Variants in IMMP2L observed in about 807,000 individuals in gnomAD.
The protein encoded by IMMP2L is mitochondrial inner membrane protease subunit 2.
In IMMP2L, 18 loss-of-function variants were observed where a neutral mutation model predicts 19.3. The ratio of observed to expected loss-of-function variants is 0.93; its 90% CI spans 0.64 to 1.38. IMMP2L has a LOEUF of 1.38. IMMP2L is among the 40% of genes most tolerant of loss of function. The pLI is 0.00. For synonymous variants in IMMP2L, 76 were observed against 73.0 expected (o/e 1.04, Z -0.21); for missense variants, 233 against 218.2 (o/e 1.07, Z -0.43).
rs188907876 is a variant in IMMP2L, at chr7:111,320,017, C to T, written c.239+167221G>A. 4.4e-3 allele frequency among the ~76,000 whole-genome samples: 670 copies of T among 152,032 alleles called. 22 individuals carry two copies. The highest frequency in any genetic ancestry group is 0.039 in the Admixed American group (589 of 15,226). On this transcript the variant is annotated intron_variant, in intron 3 of 5. Transcript: ENST00000405709. ...TGTATATTTCTGTGCATTAAAACCACTTTAAAAAAAATCTTCATCCCCACA... is the reference window on the plus strand; with the variant it reads ...TGTATATTTCTGTGCATTAAAACCATTTTAAAAAAAATCTTCATCCCCACA...
intron 3 of IMMP2L, among the ~76,000 whole-genome samples, chr7:111,214,331 C>CTTTTTTTT (rs1169450523): frequency 6.1e-5 from 5 of 82,190 alleles, no homozygotes; most frequent in African/African-American, 1.1e-4. Context: ...AATTTTTCTT[C>CTTTTTTTT]TTTTTTTTTT....
chr7:110,832,831 T>C (rs1215461246), intron 5 of IMMP2L, among the ~76,000 whole-genome samples: 2 of 152,086 alleles, frequency 1.3e-5, no homozygotes, highest in Non-Finnish European at 2.9e-5. Flanking sequence ...AACATAAACA[T>C]ATAGAAATAG....
At chr7:111,091,541 C>G (rs577729988) in intron 3 of IMMP2L, 1 of 152,164 alleles carries the variant, frequency 6.6e-6, no homozygotes, top group Non-Finnish European at 1.5e-5. Context: ...AAAATACGTT[C>G]TATTTCTTGT....
chr7:111,516,318 A>G (rs1383453069), intron 2 of IMMP2L, among the ~76,000 whole-genome samples: 1 of 151,244 alleles, frequency 6.6e-6, no homozygotes, highest in East Asian at 2.0e-4. Context: ...AGATTTTTTG[A>G]GGGTATATAT....
At chr7:111,210,975 A>C (rs2129618329) in intron 3 of IMMP2L, among the ~76,000 whole-genome samples, 1 of 152,284 alleles carries the variant, frequency 6.6e-6, no homozygotes, top group South Asian at 2.1e-4. Flanking sequence ...TAAGAAATTT[A>C]ATTTAAGCAA....
chr7:110,784,770 T>C (rs911457012), intron 5 of IMMP2L, among the ~76,000 whole-genome samples: 1 of 151,868 alleles, frequency 6.6e-6, no homozygotes, highest in Non-Finnish European at 1.5e-5. Flanking sequence ...GTTTATGTAA[T>C]TGGTCTGGAG....
chr7:111,242,484 G>A (rs149527254), intron 3 of IMMP2L, among the ~76,000 whole-genome samples: 63 of 152,130 alleles, frequency 4.1e-4, no homozygotes, highest in Non-Finnish European at 7.4e-5. Flanking sequence ...CGCAGTTAAA[G>A]GAACAGTGGG....
chr7:111,421,621 C>G (rs1238878551), intron 3 of IMMP2L, among the ~76,000 whole-genome samples: 1 of 151,624 alleles, frequency 6.6e-6, no homozygotes, highest in East Asian at 1.9e-4. Context: ...TGGATATTAG[C>G]CCTTTGTCAG....
chr7:110,663,650 T>C lies in IMMP2L; in HGVS notation c.480A>G (p.Glu160=), dbSNP rs754106833. The C allele has an allele frequency of 6.2e-7, 1 of 1,611,868 alleles. No individual in the cohort carries two copies. Among genetic ancestry groups the C allele is most frequent in the South Asian group, 1.1e-5 (1 of 90,946 alleles). ...LWPPERWQKL[E]SVLPPERLPV... The stretch of plus-strand genomic sequence containing the variant: ...GTAAGCGCTCTGGAGGAAGAACAGA[T>C]TCCAATTTCTGCCAGCGCTCTGGGG... Residue 160 remains glutamate (E), a synonymous_variant, in exon 6 of 6, where the codon GAA becomes GAG. Transcript: ENST00000405709.
At chr7:110,749,606 T>C (rs1797597710) in intron 5 of IMMP2L, among the ~76,000 whole-genome samples, 1 of 152,116 alleles carries the variant, frequency 6.6e-6, no homozygotes, top group Non-Finnish European at 1.5e-5. Context: ...GGGACATGGA[T>C]GATGCTGGAA....
At chr7:111,485,597 CAAA>C (rs71147477) in intron 3 of IMMP2L, among the ~76,000 whole-genome samples, 1 of 50,596 alleles carries the variant, frequency 2.0e-5, no homozygotes, top group Non-Finnish European at 3.3e-5. Context: ...GACTCTGTTT[CAAA>C]AAAAAAAAAA....
chr7:111,411,349 C>T, intron 3 of IMMP2L: 1 of 429,080 alleles, frequency 2.3e-6, no homozygotes, highest in East Asian at 6.5e-5. Context: ...AGCCAAAGCC[C>T]ACAACACCCC....
chr7:110,976,725 A>C (rs183587822), intron 3 of IMMP2L, among the ~76,000 whole-genome samples: 2 of 152,132 alleles, frequency 1.3e-5, no homozygotes, highest in African/African-American at 2.4e-5. Flanking sequence ...ATTCTGATGC[A>C]GGAAGTCTAG....
intron 4 of IMMP2L, among the ~76,000 whole-genome samples, chr7:110,895,185 A>G (rs975323799): frequency 2.0e-5 from 3 of 152,170 alleles, no homozygotes; most frequent in African/African-American, 7.2e-5. Context: ...TTTTAAAACC[A>G]TCAGATCTCA....
At chr7:110,669,108 T>TACAGAGAGAG (rs1554389234) in intron 5 of IMMP2L, among the ~76,000 whole-genome samples, 1 of 142,016 alleles carries the variant, frequency 7.0e-6, no homozygotes, top group African/African-American at 2.6e-5. Flanking sequence ...TATATATATA[T>TACAGAGAGAG]AGAGAGAGAG....
chr7:111,444,730 G>A (rs1381589527), intron 3 of IMMP2L, among the ~76,000 whole-genome samples: 2 of 151,980 alleles, frequency 1.3e-5, no homozygotes, highest in Non-Finnish European at 2.9e-5. Context: ...TGTTAACCCT[G>A]ATGATAATGA....
chr7:110,822,991 G>A (rs758999322), intron 5 of IMMP2L, among the ~76,000 whole-genome samples: 2 of 152,028 alleles, frequency 1.3e-5, no homozygotes, highest in South Asian at 2.1e-4. Context: ...AAATGAGGCC[G>A]TGTGTTGTTT....
chr7:111,293,261 A>C (rs1175637482), intron 3 of IMMP2L, among the ~76,000 whole-genome samples: 1 of 152,018 alleles, frequency 6.6e-6, no homozygotes, highest in Non-Finnish European at 1.5e-5. Flanking sequence ...TACTGCTCCA[A>C]AGATAATCAA....
intron 4 of IMMP2L, among the ~76,000 whole-genome samples, chr7:110,919,720 C>T (rs1814040716): frequency 6.6e-6 from 1 of 151,886 alleles, no homozygotes; most frequent in South Asian, 2.1e-4. Context: ...TGAGCTAAGG[C>T]ATTAGGGAAG....
Sources: gnomAD v4.1 joint callset for allele counts (sites outside exome capture counted in the v4.1 genomes callset) on GRCh38, gnomAD v4.1.1 for gene constraint, MANE v1.5 for transcripts, NCBI Gene and HGNC (gene_info 2026-07-23, HGNC 2026-07-21) for gene names.